DMRTC2: variants seen among roughly 807,000 people sequenced by gnomAD.
DMRTC2 encodes doublesex- and mab-3-related transcription factor C2.
A neutral mutation model predicts 39.9 loss-of-function variants in DMRTC2; 13 were observed. The observed-to-expected ratio is 0.33, with a 90% confidence interval of 0.21 to 0.52. The LOEUF is 0.52. Ranked by LOEUF, DMRTC2 falls within the 20% of genes least tolerant of loss-of-function variation. DMRTC2 has a pLI of 0.96. For missense variants in DMRTC2, 431 were observed against 472.8 expected (o/e 0.91, Z 0.82); for synonymous variants, 189 against 185.2 (o/e 1.02, Z -0.17).
intron 6 of DMRTC2, 81 bp from the exon 7 acceptor site, chr19:41,850,231 G>T (rs2073934114): frequency 1.7e-6 from 2 of 1,193,930 alleles, no homozygotes; most frequent in Admixed American, 3.0e-5. Context: ...TCAAAACATG[G>T]CAAAATCCTG....
At chr19:41,848,707 G>A (rs781942997) in intron 4 of DMRTC2, 88 bp from the exon 5 acceptor site, 2 of 1,596,408 alleles carry the variant, frequency 1.3e-6, no homozygotes, top group Non-Finnish European at 1.7e-6. Context: ...CAGCCCCAAA[G>A]TTTTGGGGTT....
At chr19:41,850,456 G>A (rs2073937858) in intron 7 of DMRTC2, 70 bp from the exon 8 acceptor site, 1 of 1,579,286 alleles carries the variant, frequency 6.3e-7, no homozygotes, top group Non-Finnish European at 8.6e-7. Flanking sequence ...AGGAAGCAGG[G>A]GCTGAGGAAC....
Position 41,847,037 on chromosome 19 carries a change from T to C in DMRTC2, c.-4-388T>C, listed in dbSNP as rs143297933. Among the ~76,000 whole-genome samples, 916 of 149,810 alleles carry C rather than the reference T, an allele frequency of 6.1e-3. 8 individuals are homozygous for C. Among genetic ancestry groups the C allele is most frequent in the African/African-American group, 0.022 (890 of 40,868 alleles). ...CTAAACATACAAAAATAAAAAAAAA[T>C]AGCCGGGCATGGTGGCTCTTGCCTG... is the stretch of plus-strand genomic sequence containing the variant. On this transcript the variant is annotated intron_variant, in intron 1 of 8. Transcript: ENST00000269945.
intron 1 of DMRTC2, chr19:41,847,155 A>G (rs1200836005): frequency 1.3e-6 from 1 of 764,302 alleles, no homozygotes; most frequent in African/African-American, 1.9e-5. Context: ...ACTGCACTCC[A>G]GCCTGGGAGA....
At position 41,847,744 on chromosome 19, in the gene DMRTC2, G is replaced by A. The variant is rs1385523485; in HGVS notation, c.233G>A (p.Arg78His). 12 of 1,613,936 alleles carry A rather than the reference G, an allele frequency of 7.4e-6. No homozygotes were observed. Among genetic ancestry groups the A allele is most frequent in the East Asian group, 2.2e-5 (1 of 44,886 alleles). Residue 78 changes from arginine to histidine, a missense_variant, in exon 3 of 9, where the codon CGC becomes CAC. Coordinates refer to ENST00000269945, the MANE Select transcript of DMRTC2 (RefSeq NM_001040283.3). Reference protein sequence around the residue: ...CHKCVLILERRRVMAAQVALR... With the variant: ...CHKCVLILERHRVMAAQVALR... ...CAACTCCCCACTTTTAGGGAGCGCC[G>A]CAGGGTCATGGCTGCCCAGGTGGCC...
intron 1 of DMRTC2, among the ~76,000 whole-genome samples, chr19:41,846,062 T>G (rs182196962): frequency 6.6e-6 from 1 of 151,166 alleles, no homozygotes; most frequent in Non-Finnish European, 1.5e-5. Context: ...AAGGTAATTA[T>G]TGGGGGTGCA....
chr19:41,847,759 C>T lies in DMRTC2; in HGVS notation c.248C>T (p.Ala83Val). Residue 83 changes from alanine to valine, a missense_variant, in exon 3 of 9, where the codon GCC becomes GTC. Physicochemically the swap from Ala to Val is moderately conservative, Grantham distance 64. Coordinates refer to ENST00000269945, the MANE Select transcript of DMRTC2 (RefSeq NM_001040283.3). Reference protein sequence around the residue: ...LILERRRVMAAQVALRRQQEA... With the variant: ...LILERRRVMAVQVALRRQQEA... ...AGGGAGCGCCGCAGGGTCATGGCTG[C>T]CCAGGTGGCCTTGCGTAGGCAGCAG... 1 of 1,614,054 alleles carries T rather than the reference C, an allele frequency of 6.2e-7. No homozygotes were observed. The highest frequency in any genetic ancestry group is 1.1e-5 in the South Asian group (1 of 91,050).
In DMRTC2 at chr19:41,849,253, G is replaced by A. The variant is rs782073409; in HGVS notation, c.752G>A (p.Arg251His). The A allele has an allele frequency of 3.0e-5, 48 of 1,613,664 alleles. No homozygotes were observed. The highest frequency in any genetic ancestry group is 4.0e-5 in the African/African-American group (3 of 74,870). ...CCCCAAGGGCCCCCTAGCCAGCCCCGCACGTGAGTAGGGAGAGAAGGATGT... is the reference window on the plus strand; with the variant it reads ...CCCCAAGGGCCCCCTAGCCAGCCCCACACGTGAGTAGGGAGAGAAGGATGT... ...GEPQGPPSQP[R>H]THSTLILQPC... is the part of the protein sequence containing the mutation. Residue 251 changes from arginine (R) to histidine (H), a missense_variant, in exon 6 of 9, where the codon CGC becomes CAC. By Grantham distance (29) the Arg-to-His change is conservative. Coordinates refer to ENST00000269945, the MANE Select transcript of DMRTC2 (RefSeq NM_001040283.3).
At chr19:41,850,125 C>T in intron 6 of DMRTC2, 187 bp from the exon 7 acceptor site, 1 of 485,832 alleles carries the variant, frequency 2.1e-6, no homozygotes, top group East Asian at 3.1e-5. Flanking sequence ...CTCACAGTAG[C>T]CCTGGGAGGA....
rs139247324 is a variant in DMRTC2, at chr19:41,849,616, G to T, written c.755+360G>T. ...GCCTGCTGATATGGGGGGCAGAGAT[G>T]ATGAGAGCCTCAGAGACCCAGGAGA... On this transcript the variant is annotated intron_variant, in intron 6 of 8. Transcript: ENST00000269945. 7.9e-5 allele frequency among the ~76,000 whole-genome samples: 12 copies of T among 152,316 alleles called. No homozygotes were observed. In the East Asian group the frequency reaches 2.1e-3, roughly 27 times the overall value.
chr19:41,847,301 A>T, intron 1 of DMRTC2, 124 bp from the exon 2 acceptor site: 7 of 1,374,200 alleles, frequency 5.1e-6, no homozygotes, highest in Admixed American at 6.0e-5. Flanking sequence ...CTGGGAAAGA[A>T]GCCAGAATCA....
chr19:41,845,555 G>C (rs1253266427), intron 1 of DMRTC2, among the ~76,000 whole-genome samples: 1 of 152,226 alleles, frequency 6.6e-6, no homozygotes, highest in Non-Finnish European at 1.5e-5. Flanking sequence ...GGGTGCGGTG[G>C]CTCATGCCTG....
At position 41,845,052 on chromosome 19, in the gene DMRTC2, A is replaced by C. The variant is rs1325852426; in HGVS notation, c.-54A>C. 3 of 152,232 alleles carry C rather than the reference A, an allele frequency of 2.0e-5. No homozygotes were observed. The highest frequency in any genetic ancestry group is 1.9e-4 in the East Asian group (1 of 5,194). The allele number at this position is 152,232 out of a possible 1,614,324, so 9.4% of individuals were successfully genotyped here. A position where few individuals can be genotyped will look rare whatever the true frequency, so the allele number is the denominator to read the frequency against. ...GCGGTTCCTCTGGCCACTTTCTCAC[A>C]GTGTCTTTGGGCGTCTTCTTGACTG... is the stretch of plus-strand genomic sequence containing the variant. On this transcript the variant is annotated 5_prime_UTR_variant, in exon 1 of 9. Coordinates refer to ENST00000269945, the MANE Select transcript of DMRTC2 (RefSeq NM_001040283.3).
In DMRTC2 at chr19:41,851,673, G is replaced by C. The variant is rs1290559912; in HGVS notation, c.1081G>C (p.Gly361Arg). The change falls in exon 9 of 9, where the codon GGG (glycine) becomes CGG (arginine). Residue 361 changes from glycine (G) to arginine (R), a missense_variant. Coordinates refer to ENST00000269945, the MANE Select transcript of DMRTC2 (RefSeq NM_001040283.3). ...PSVALHIGRLGSISLLS is the reference protein window; with the variant it reads ...PSVALHIGRLRSISLLS Reference sequence around the variant, plus strand: ...TGTTGCTCTGCATATTGGCCGTCTGGGGTCCATCTCCCTCCTGAGCTAGAA... The same window carrying C: ...TGTTGCTCTGCATATTGGCCGTCTGCGGTCCATCTCCCTCCTGAGCTAGAA... The C allele has an allele frequency of 4.3e-6, 7 of 1,614,020 alleles. No homozygotes were observed. The highest frequency in any genetic ancestry group is 5.9e-6 in the Non-Finnish European group (7 of 1,180,038).
At chr19:41,848,376 T>C (rs781823452) in intron 3 of DMRTC2, 76 bp from the exon 4 acceptor site, 340 of 1,278,150 alleles carry the variant, frequency 2.7e-4, no homozygotes, top group Non-Finnish European at 3.6e-4. Flanking sequence ...ATGGGGGAGA[T>C]GAGAACTGTC....
chr19:41,849,390 G>T, intron 6 of DMRTC2, 134 bp downstream of exon 6: 3 of 1,298,998 alleles, frequency 2.3e-6, no homozygotes, highest in Non-Finnish European at 3.2e-6. Flanking sequence ...AGCTCTCCTA[G>T]TACTGCCATT....
intron 1 of DMRTC2, among the ~76,000 whole-genome samples, chr19:41,846,893 G>T (rs2073864945): frequency 1.3e-5 from 2 of 151,798 alleles, no homozygotes; most frequent in Admixed American, 1.3e-4. Flanking sequence ...AAAAAAAGGG[G>T]GGACGGGTGC....
intron 8 of DMRTC2, 102 bp from the exon 9 acceptor site, chr19:41,851,482 G>C: frequency 1.1e-6 from 1 of 951,250 alleles, no homozygotes; most frequent in Non-Finnish European, 1.6e-6. Flanking sequence ...AAATAATCCA[G>C]GAGAACAATG....
chr19:41,849,608 G>T (rs572357731), intron 6 of DMRTC2, among the ~76,000 whole-genome samples: 1 of 152,290 alleles, frequency 6.6e-6, no homozygotes, highest in Admixed American at 6.5e-5. Context: ...GATATGGGGG[G>T]CAGAGATGAT....
Sources: allele counts gnomAD v4.1 joint callset (sites outside exome capture counted in the v4.1 genomes callset), GRCh38; gene constraint gnomAD v4.1.1; transcripts MANE v1.5; gene names NCBI Gene and HGNC (gene_info 2026-07-23, HGNC 2026-07-21).